The following WWOX variants were observed in gnomAD, a reference collection of about 807,000 sequenced individuals.
WWOX encodes the protein WW domain containing oxidoreductase, also known as WW domain-containing oxidoreductase.
In WWOX, 69 loss-of-function variants were observed where a neutral mutation model predicts 46.2. The observed-to-expected ratio is 1.49, with a 90% CI of 1.23 to 1.82. WWOX has a LOEUF of 1.82. Among genes scored for constraint, WWOX ranks in the 40% most tolerant of loss-of-function variants. The pLI is 0.00. For synonymous variants in WWOX, 359 were observed against 202.6 expected, an observed-to-expected ratio of 1.77 and a Z score of -6.56; for missense variants, 919 against 542.6, an observed-to-expected ratio of 1.69 and a Z score of -6.89.
At chr16:78,456,121 C>A (rs1026283508) in intron 8 of WWOX, among the ~76,000 whole-genome samples, 1 of 152,208 alleles carries the variant, frequency 6.6e-6, no homozygotes, top group African/African-American at 2.4e-5. Context: ...TTGCAACGGA[C>A]TGAAGTGCCC....
At chr16:79,155,678 G>C (rs1162564874) in intron 8 of WWOX, among the ~76,000 whole-genome samples, 1 of 152,068 alleles carries the variant, frequency 6.6e-6, no homozygotes, top group Admixed American at 6.5e-5. Context: ...GTGCAGATTT[G>C]GTTATAGGAG....
intron 8 of WWOX, among the ~76,000 whole-genome samples, chr16:78,788,051 A>T (rs939835931): frequency 6.6e-6 from 1 of 152,208 alleles, no homozygotes; most frequent in Admixed American, 6.5e-5. Context: ...CTAGACCCTT[A>T]TCGTATAAAT....
At chr16:78,890,459 C>A (rs148423730) in intron 8 of WWOX, 1 of 151,774 alleles carries the variant, frequency 6.6e-6, no homozygotes, top group South Asian at 2.1e-4. Context: ...TTCCCCCAGC[C>A]CCAGTCAGGA....
chr16:78,531,364 G>A (rs997158126), intron 8 of WWOX, among the ~76,000 whole-genome samples: 2 of 152,130 alleles, frequency 1.3e-5, no homozygotes, highest in African/African-American at 4.8e-5. Context: ...TTTTCCTTAG[G>A]TTAGAATGGT....
At chr16:78,973,842 C>G (rs1220170127) in intron 8 of WWOX, among the ~76,000 whole-genome samples, 1 of 152,214 alleles carries the variant, frequency 6.6e-6, no homozygotes, top group East Asian at 1.9e-4. Context: ...AGCCGAGAGC[C>G]CCTGCTTCCC....
rs149732143 is a variant in WWOX, at chr16:78,426,928, C to T, written c.791+1873C>T. Among the ~76,000 whole-genome samples the T allele has an allele frequency of 7.9e-5, 12 of 152,326 alleles. No homozygotes were observed. The East Asian group carries it at 2.3e-3, about 29-fold the overall frequency. ...CCGCCTGCCTTGGCTTCTCACAGTGCTGTGATTACAGGCGTGAGCCACCAC... is the reference window on the plus strand; with the variant it reads ...CCGCCTGCCTTGGCTTCTCACAGTGTTGTGATTACAGGCGTGAGCCACCAC... On this transcript the variant is annotated intron_variant, in intron 7 of 8. Transcript: ENST00000566780.
chr16:79,157,145 G>T (rs1235332607), intron 8 of WWOX, among the ~76,000 whole-genome samples: 2 of 152,196 alleles, frequency 1.3e-5, no homozygotes, highest in South Asian at 2.1e-4. Flanking sequence ...ACTAGGCAAA[G>T]CAGGGAGAAG....
chr16:78,928,567 T>C (rs185322774), intron 8 of WWOX, among the ~76,000 whole-genome samples: 67 of 152,300 alleles, frequency 4.4e-4, no homozygotes, highest in African/African-American at 1.5e-3. Flanking sequence ...GTTACAGATA[T>C]TTGATGCTTT....
intron 8 of WWOX, among the ~76,000 whole-genome samples, chr16:78,985,455 A>G (rs1356235822): frequency 6.6e-6 from 1 of 152,142 alleles, no homozygotes; most frequent in Non-Finnish European, 1.5e-5. Flanking sequence ...CCCTGTCACT[A>G]GTGGAAGTCG....
chr16:78,486,255 G>C (rs1191442315), intron 8 of WWOX, among the ~76,000 whole-genome samples: 2 of 152,174 alleles, frequency 1.3e-5, no homozygotes, highest in Non-Finnish European at 2.9e-5. Flanking sequence ...GTTAGAAAGA[G>C]ATGTGTAGTC....
rs529765313 is a variant in WWOX at position 79,116,268 on chromosome 16, G to A, written c.1057-95340G>A. On this transcript the variant is annotated intron_variant, in intron 8 of 8. Transcript: ENST00000566780. ...AAATAAGACAAGGATAAAGCTTGCT[G>A]CATGGATTGACTCTTCCTTTTACAA... Among the ~76,000 whole-genome samples the A allele has an allele frequency of 4.9e-4, 74 of 152,274 alleles. 1 individual carries two copies. The highest frequency in any genetic ancestry group is 3.4e-3 in the Middle Eastern group (1 of 294).
At chr16:78,725,979 TCTCCTTCTCCTC>T (rs773455483) in intron 8 of WWOX, among the ~76,000 whole-genome samples, 58 of 150,376 alleles carry the variant, frequency 3.9e-4, no homozygotes, top group Non-Finnish European at 5.0e-4. Context: ...TCCTCCTCCT[TCTCCTTCTCCTC>T]CTTCTCCTTC....
intron 5 of WWOX, among the ~76,000 whole-genome samples, chr16:78,308,267 C>T (rs938318496): frequency 1.3e-5 from 2 of 152,116 alleles, no homozygotes; most frequent in Non-Finnish European, 2.9e-5. Context: ...AAAATAAATT[C>T]TAAGCTCCCC....
intron 6 of WWOX, among the ~76,000 whole-genome samples, chr16:78,405,306 T>C (rs2082502467): frequency 6.6e-6 from 1 of 152,202 alleles, no homozygotes; most frequent in Non-Finnish European, 1.5e-5. Flanking sequence ...TTATTTTCTC[T>C]ATTCCAACTG....
At chr16:79,050,578 A>G (rs1362329972) in intron 8 of WWOX, among the ~76,000 whole-genome samples, 3 of 152,242 alleles carry the variant, frequency 2.0e-5, no homozygotes, top group Non-Finnish European at 2.9e-5. Flanking sequence ...GCATGGATCC[A>G]GAGAGGAGGG....
chr16:79,040,605 C>T (rs905780), intron 8 of WWOX, among the ~76,000 whole-genome samples: 19,148 of 152,142 alleles, frequency 0.13, 1,341 homozygotes, highest in East Asian at 0.19. Flanking sequence ...ATTTCTTTCT[C>T]ACTTTTCTCA....
chr16:79,149,989 GC>G (rs995977808), intron 8 of WWOX, among the ~76,000 whole-genome samples: 15 of 152,140 alleles, frequency 9.9e-5, no homozygotes, highest in Admixed American at 8.5e-4. Flanking sequence ...GCACAAAAGA[GC>G]CCATTTATGT....
Position 78,770,286 on chromosome 16 carries a change from G to A in WWOX, c.1056+337534G>A, listed in dbSNP as rs568889908. Among the ~76,000 whole-genome samples, 45 of 152,254 alleles carry A rather than the reference G, an allele frequency of 3.0e-4. 1 individual carries two copies. Among genetic ancestry groups the A allele is most frequent in the Non-Finnish European group, 4.4e-4 (30 of 68,020 alleles). On this transcript the variant is annotated intron_variant, in intron 8 of 8. Transcript: ENST00000566780. ...GAATCACTTGAATCCGGGAGCCAGC[G>A]GTTGCAGTGAGCTTAGATTGCACCA...
In WWOX at chr16:78,803,572, A is replaced by C. The variant is rs112544498; in HGVS notation, c.1056+370820A>C. On this transcript the variant is annotated intron_variant, in intron 8 of 8. Transcript: ENST00000566780. ...AGCAGTCGTCCTGCCTCAGCCTCCC[A>C]AGTAGCTTAGAACCACAGGCATATA... 5.8e-3 allele frequency among the ~76,000 whole-genome samples: 888 copies of C among 152,180 alleles called. 14 individuals are homozygous for C. Among genetic ancestry groups the C allele is most frequent in the African/African-American group, 0.021 (854 of 41,514 alleles).
Sources: gnomAD v4.1 joint callset for allele counts (sites outside exome capture counted in the v4.1 genomes callset) on GRCh38, gnomAD v4.1.1 for gene constraint, MANE v1.5 for transcripts, NCBI Gene and HGNC (gene_info 2026-07-23, HGNC 2026-07-21) for gene names.